SPHKAP: variants seen among roughly 807,000 people sequenced by gnomAD.
SPHKAP encodes the protein A-kinase anchor protein SPHKAP.
Under a neutral mutation model 137.5 loss-of-function variants are expected in SPHKAP, and 67 were observed. The ratio of observed to expected loss-of-function variants is 0.49; its 90% CI spans 0.40 to 0.60. SPHKAP has a LOEUF of 0.60. SPHKAP is among the 20% of genes least tolerant of loss of function. SPHKAP has a pLI of 0.00. For synonymous variants in SPHKAP, 813 were observed against 785.3 expected (o/e 1.04, Z -0.59); for missense variants, 2,097 against 2,069.3 (o/e 1.01, Z -0.26).
chr2:228,144,288 T>C (rs1699697545), intron 1 of SPHKAP, among the ~76,000 whole-genome samples: 1 of 152,230 alleles, frequency 6.6e-6, no homozygotes, highest in African/African-American at 2.4e-5. Flanking sequence ...TTATTTTATG[T>C]GCCTCTCCTT....
intron 11 of SPHKAP, among the ~76,000 whole-genome samples, chr2:227,983,215 C>T (rs969896756): frequency 3.9e-5 from 6 of 152,156 alleles, no homozygotes; most frequent in African/African-American, 1.4e-4. Context: ...TAATTCACTT[C>T]AGTTACTGAG....
chr2:228,039,179 G>A (rs1695746510), intron 3 of SPHKAP, among the ~76,000 whole-genome samples: 2 of 152,230 alleles, frequency 1.3e-5, no homozygotes, highest in Non-Finnish European at 2.9e-5. Flanking sequence ...ATACTTAGCT[G>A]AAGCAGATGG....
intron 1 of SPHKAP, among the ~76,000 whole-genome samples, chr2:228,160,620 C>T (rs185432383): frequency 3.3e-5 from 5 of 152,264 alleles, no homozygotes; most frequent in Admixed American, 3.3e-4. Flanking sequence ...AGATCCCTCC[C>T]ATGACACTTG....
At chr2:228,073,014 C>G (rs1331814279) in intron 3 of SPHKAP, among the ~76,000 whole-genome samples, 1 of 152,194 alleles carries the variant, frequency 6.6e-6, no homozygotes, top group Non-Finnish European at 1.5e-5. Flanking sequence ...TGAGAGGTTG[C>G]TTTATGCTAC....
chr2:228,168,468 A>G (rs1372301726), intron 1 of SPHKAP, among the ~76,000 whole-genome samples: 1 of 152,126 alleles, frequency 6.6e-6, no homozygotes, highest in Non-Finnish European at 1.5e-5. Flanking sequence ...ATTTGTCATT[A>G]TTAATATTAC....
At chr2:228,001,404 C>CATAAATATATATAAATATATACATAT (rs1693871256) in intron 7 of SPHKAP, among the ~76,000 whole-genome samples, 5 of 136,574 alleles carry the variant, frequency 3.7e-5, no homozygotes, top group Admixed American at 1.5e-4. Flanking sequence ...AATATATATA[C>CATAAATATATATAAATATATACATAT]ATAAATATAT....
chr2:227,993,498 T>C, intron 9 of SPHKAP, 36 bp downstream of exon 9: 1 of 1,541,812 alleles, frequency 6.5e-7, no homozygotes, highest in Non-Finnish European at 8.9e-7. Context: ...ATTGGAGTAG[T>C]GGTCTCACAA....
rs190144340 is a variant in SPHKAP, at chr2:228,016,602, T to C, written c.4252A>G (p.Arg1418Gly). The change falls in exon 7 of 12, where the codon AGG becomes GGG. Residue 1418 changes from arginine to glycine, a missense_variant. By Grantham distance (125) the Arg-to-Gly change is moderately radical. Coordinates refer to ENST00000392056, the MANE Select transcript of SPHKAP (RefSeq NM_001142644.2). Reference sequence around the variant, plus strand: ...ACTTCCCTCGAGCAAAGTGATCGCCTTTTGTGGTTTATTGGTACAGGGTCC... The same window carrying C: ...ACTTCCCTCGAGCAAAGTGATCGCCCTTTGTGGTTTATTGGTACAGGGTCC... ...CQDPVPINHKRRSLCSREVPL... is the reference protein window; with the variant it reads ...CQDPVPINHKGRSLCSREVPL... 7.4e-6 allele frequency: 12 copies of C among 1,614,042 alleles called. No individual in the cohort carries two copies. The East Asian group carries it at 1.6e-4, about 21-fold the overall frequency.
chr2:228,164,966 A>G (rs1175885489), intron 1 of SPHKAP, among the ~76,000 whole-genome samples: 3 of 152,170 alleles, frequency 2.0e-5, no homozygotes, highest in Admixed American at 2.0e-4. Context: ...CATTGGTACC[A>G]TGAGAAGGGG....
In SPHKAP at chr2:228,017,965, T is replaced by C. The variant is rs1346519561; in HGVS notation, c.2889A>G (p.Lys963=). 6 of 1,614,044 alleles carry C rather than the reference T, an allele frequency of 3.7e-6. No homozygotes were observed. The highest frequency in any genetic ancestry group is 1.6e-4 in the Middle Eastern group (1 of 6,084). ...GTGTCATCAGAAACTCACTCCCTCT[T>C]TTCCATGCACAAAACCAGGGTTGTT... ...SGKQPWFCAW[K]RGSEFLMTPN... is the part of the protein sequence containing the mutation. Residue 963 remains lysine (K), a synonymous_variant, in exon 7 of 12, where the codon AAA becomes AAG. Transcript: ENST00000392056.
intron 1 of SPHKAP, among the ~76,000 whole-genome samples, chr2:228,147,755 A>G (rs1008086658): frequency 6.6e-5 from 10 of 152,244 alleles, no homozygotes; most frequent in Non-Finnish European, 1.3e-4. Context: ...TAGAGCACCT[A>G]TTTTGCCCCA....
At chr2:228,151,482 G>A (rs2106399600) in intron 1 of SPHKAP, among the ~76,000 whole-genome samples, 2 of 152,218 alleles carry the variant, frequency 1.3e-5, no homozygotes, top group Admixed American at 6.5e-5. Context: ...GGTATTTCTA[G>A]CTCTAGATCC....
At chr2:228,055,838 C>T (rs1242461168) in intron 3 of SPHKAP, among the ~76,000 whole-genome samples, 1 of 152,200 alleles carries the variant, frequency 6.6e-6, no homozygotes, top group Non-Finnish European at 1.5e-5. Flanking sequence ...ATCTTCAAGA[C>T]ACCAGGATTC....
At chr2:228,086,424 A>G (rs1697541297) in intron 3 of SPHKAP, among the ~76,000 whole-genome samples, 1 of 152,066 alleles carries the variant, frequency 6.6e-6, no homozygotes, top group Non-Finnish European at 1.5e-5. Context: ...GAATTACTGT[A>G]TCTCACTGGG....
intron 3 of SPHKAP, among the ~76,000 whole-genome samples, chr2:228,086,166 A>C (rs1360434700): frequency 6.6e-6 from 1 of 152,206 alleles, no homozygotes; most frequent in African/African-American, 2.4e-5. Context: ...AACAAAAAAA[A>C]ATTGGCAAAA....
intron 2 of SPHKAP, among the ~76,000 whole-genome samples, chr2:228,118,252 T>G (rs560243675): frequency 1.3e-5 from 2 of 151,226 alleles, no homozygotes; most frequent in African/African-American, 2.4e-5. Context: ...TTTTTTTTTT[T>G]TTTTTTTTTT....
intron 1 of SPHKAP, among the ~76,000 whole-genome samples, chr2:228,133,278 GC>G (rs1383299863): frequency 6.6e-6 from 1 of 151,902 alleles, no homozygotes; most frequent in Non-Finnish European, 1.5e-5. Context: ...CTGTACTCCA[GC>G]CTGGGCCACA....
At chr2:228,027,733 C>G (rs1695099190) in intron 3 of SPHKAP, among the ~76,000 whole-genome samples, 190 bp from the exon 4 acceptor site, 1 of 151,896 alleles carries the variant, frequency 6.6e-6, no homozygotes, top group African/African-American at 2.4e-5. Flanking sequence ...TTTAGGAGGC[C>G]AAGGCGGGCA....
intron 2 of SPHKAP, chr2:228,131,326 C>G: frequency 3.0e-6 from 3 of 984,948 alleles, no homozygotes; most frequent in South Asian, 9.4e-5. Flanking sequence ...TGGAATTCAG[C>G]AGCAAACAGT....
Sources: allele counts gnomAD v4.1 joint callset (sites outside exome capture counted in the v4.1 genomes callset), GRCh38; gene constraint gnomAD v4.1.1; transcripts MANE v1.5; gene names NCBI Gene and HGNC (gene_info 2026-07-23, HGNC 2026-07-21).